The following SGCZ variants were observed in gnomAD, a reference collection of about 807,000 sequenced individuals.
The protein encoded by SGCZ is sarcoglycan zeta.
Under a neutral mutation model 41.3 loss-of-function variants are expected in SGCZ, and 40 were observed. The observed-to-expected ratio is 0.97, with a 90% confidence interval of 0.75 to 1.26. SGCZ has a LOEUF of 1.26. Ranked by LOEUF, SGCZ falls within the 50% of genes most tolerant of loss-of-function variation. The pLI, the probability that SGCZ is intolerant of heterozygous loss-of-function variation, is 0.00. For missense variants in SGCZ, 552 were observed against 369.8 expected (o/e 1.49, Z -4.04); for synonymous variants, 206 against 137.5 (o/e 1.50, Z -3.49).
intron 1 of SGCZ, among the ~76,000 whole-genome samples, chr8:14,853,917 A>AG (rs1803442543): frequency 6.6e-6 from 1 of 151,182 alleles, no homozygotes; most frequent in African/African-American, 2.4e-5. Context: ...GCCAATACAA[A>AG]ATACACACCT....
intron 1 of SGCZ, among the ~76,000 whole-genome samples, chr8:15,160,124 G>A (rs770616545): frequency 6.6e-6 from 1 of 152,000 alleles, no homozygotes; most frequent in Non-Finnish European, 1.5e-5. Flanking sequence ...TCTCCAAAAC[G>A]ATTTTCGTCT....
Position 15,068,815 on chromosome 8 carries a change from T to A in SGCZ, c.39+168770A>T, listed in dbSNP as rs549335205. 1.7e-3 allele frequency among the ~76,000 whole-genome samples: 252 copies of A among 152,298 alleles called. 1 individual carries two copies. Among genetic ancestry groups the A allele is most frequent in the South Asian group, 0.012 (58 of 4,826 alleles). On this transcript the variant is annotated intron_variant, in intron 1 of 7. Transcript: ENST00000382080. ...AAAATGTCCTCAGCAATATACACAG[T>A]CAACCCAATTAAACCCAGCAAACCA...
At chr8:14,278,400 C>T (rs1800307774) in intron 3 of SGCZ, among the ~76,000 whole-genome samples, 1 of 152,186 alleles carries the variant, frequency 6.6e-6, no homozygotes, top group Non-Finnish European at 1.5e-5. Context: ...ATGTGTTCTG[C>T]TTCTCCTTAC....
At chr8:14,418,370 C>G (rs1289879277) in intron 2 of SGCZ, among the ~76,000 whole-genome samples, 2 of 151,774 alleles carry the variant, frequency 1.3e-5, no homozygotes, top group Non-Finnish European at 2.9e-5. Context: ...TTCACTTATT[C>G]AAGAAAGGGG....
chr8:14,688,762 G>C (rs925431828), intron 1 of SGCZ, among the ~76,000 whole-genome samples: 20 of 151,988 alleles, frequency 1.3e-4, no homozygotes, highest in Non-Finnish European at 2.8e-4. Context: ...GTTCTGGCCA[G>C]GGCAATCAGG....
In SGCZ at chr8:14,969,348, T is replaced by C. The variant is rs550633365; in HGVS notation, c.39+268237A>G. On this transcript the variant is annotated intron_variant, in intron 1 of 7. Transcript: ENST00000382080. ...CACACTGAAACATCTACTTTCATCA[T>C]TATTCTTTAATGTTTTATTGACTTG... Among the ~76,000 whole-genome samples, 15 of 152,258 alleles carry C rather than the reference T, an allele frequency of 9.9e-5. No individual in the cohort carries two copies. The South Asian group carries it at 2.9e-3, about 29-fold the overall frequency.
At chr8:15,158,957 T>C (rs941677138) in intron 1 of SGCZ, among the ~76,000 whole-genome samples, 2 of 152,208 alleles carry the variant, frequency 1.3e-5, no homozygotes, top group Non-Finnish European at 2.9e-5. Flanking sequence ...ATACAACTCC[T>C]AAAATCCTTA....
chr8:14,322,255 T>C (rs1287130238), intron 3 of SGCZ, among the ~76,000 whole-genome samples: 1 of 152,070 alleles, frequency 6.6e-6, no homozygotes, highest in Non-Finnish European at 1.5e-5. Context: ...TTCCTAGTTA[T>C]AGGGAGACAA....
At chr8:14,549,548 T>C (rs373416840) in intron 2 of SGCZ, among the ~76,000 whole-genome samples, 1 of 152,158 alleles carries the variant, frequency 6.6e-6, no homozygotes, top group South Asian at 2.1e-4. Flanking sequence ...AAATAATGTA[T>C]CACCTACTAT....
At chr8:14,711,269 A>C (rs1809505025) in intron 1 of SGCZ, among the ~76,000 whole-genome samples, 1 of 152,036 alleles carries the variant, frequency 6.6e-6, no homozygotes. Context: ...AACTAATTTC[A>C]ACACAAACTT....
chr8:15,204,489 TTTC>T (rs772363542), intron 1 of SGCZ, among the ~76,000 whole-genome samples: 12 of 152,182 alleles, frequency 7.9e-5, no homozygotes, highest in Non-Finnish European at 1.8e-4. Flanking sequence ...GGCAGCTTAC[TTTC>T]TTCCTAAAAA....
chr8:14,678,870 G>A (rs1392673877), intron 1 of SGCZ, among the ~76,000 whole-genome samples: 1 of 152,256 alleles, frequency 6.6e-6, no homozygotes, highest in South Asian at 2.1e-4. Context: ...AAAATATCAA[G>A]CTATGAAAAG....
At chr8:15,007,283 T>C (rs777665129) in intron 1 of SGCZ, among the ~76,000 whole-genome samples, 3 of 152,226 alleles carry the variant, frequency 2.0e-5, no homozygotes, top group Non-Finnish European at 4.4e-5. Flanking sequence ...TTTGATACTA[T>C]GTTACAAAAA....
At chr8:14,796,732 C>T (rs1801143725) in intron 1 of SGCZ, among the ~76,000 whole-genome samples, 1 of 152,138 alleles carries the variant, frequency 6.6e-6, no homozygotes. Context: ...AGCCATGTGT[C>T]CCCATCCAAA....
chr8:15,182,299 A>G (rs1800202214), intron 1 of SGCZ, among the ~76,000 whole-genome samples: 1 of 152,202 alleles, frequency 6.6e-6, no homozygotes, highest in African/African-American at 2.4e-5. Context: ...ACTAAATATA[A>G]TGCAGTCATG....
At chr8:14,351,722 C>G (rs1294939215) in intron 2 of SGCZ, among the ~76,000 whole-genome samples, 1 of 151,918 alleles carries the variant, frequency 6.6e-6, no homozygotes, top group Non-Finnish European at 1.5e-5. Flanking sequence ...TGTAATGGTA[C>G]AATGATTAAT....
chr8:14,232,328 A>G (rs1806600928), intron 4 of SGCZ, among the ~76,000 whole-genome samples: 1 of 152,050 alleles, frequency 6.6e-6, no homozygotes, highest in South Asian at 2.1e-4. Context: ...GAAACCAGTC[A>G]ACTCTGCTAC....
At chr8:15,159,755 C>T (rs1470216642) in intron 1 of SGCZ, among the ~76,000 whole-genome samples, 4 of 66,890 alleles carry the variant, frequency 6.0e-5, no homozygotes, top group Non-Finnish European at 1.0e-4. Flanking sequence ...CCCCCCCACC[C>T]CCGCCACACA....
Position 14,283,945 on chromosome 8 carries a change from T to C in SGCZ, c.336+40158A>G, listed in dbSNP as rs542868163. Among the ~76,000 whole-genome samples, 7 of 152,372 alleles carry C rather than the reference T, an allele frequency of 4.6e-5. No homozygotes were observed. The South Asian group carries it at 1.5e-3, about 32-fold the overall frequency. ...TGTTTAAAACTTATTTTGTTGCTTA[T>C]TGGATATTTCCTTTCATTTCTTTCA... is the stretch of plus-strand genomic sequence containing the variant. On this transcript the variant is annotated intron_variant, in intron 3 of 7. Transcript: ENST00000382080.
Sources: gnomAD v4.1 joint callset for allele counts (sites outside exome capture counted in the v4.1 genomes callset) on GRCh38, gnomAD v4.1.1 for gene constraint, MANE v1.5 for transcripts, NCBI Gene and HGNC (gene_info 2026-07-23, HGNC 2026-07-21) for gene names.